SOX5: variants seen among roughly 807,000 people sequenced by gnomAD.
The protein encoded by SOX5 is transcription factor SOX-5.
Under a neutral mutation model 92.0 loss-of-function variants are expected in SOX5, and 9 were observed. That is an observed-to-expected ratio of 0.10 (90% CI 0.06 to 0.17). The LOEUF (loss-of-function observed/expected upper bound fraction) is 0.17. Among genes scored for constraint, SOX5 ranks in the 10% least tolerant of loss-of-function variants. The pLI is 1.00. For synonymous variants in SOX5, 344 were observed against 336.3 expected (o/e 1.02, Z -0.25); for missense variants, 642 against 944.5 (o/e 0.68, Z 4.20).
chr12:24,222,335 A>C (rs372912007), intron 3 of SOX5, among the ~76,000 whole-genome samples: 1 of 152,066 alleles, frequency 6.6e-6, no homozygotes, highest in Non-Finnish European at 1.5e-5. Context: ...ATTCCAGGCA[A>C]TGGTTTATTT....
chr12:23,786,315 T>G (rs1386859652), intron 3 of SOX5, among the ~76,000 whole-genome samples: 2 of 151,986 alleles, frequency 1.3e-5, no homozygotes, highest in Non-Finnish European at 2.9e-5. Context: ...CTATTGTATG[T>G]AGCTATTTAA....
intron 4 of SOX5, among the ~76,000 whole-genome samples, chr12:24,150,897 T>G (rs999008039): frequency 4.6e-5 from 7 of 152,172 alleles, no homozygotes; most frequent in Admixed American, 3.9e-4. Flanking sequence ...AAAAAAAGTT[T>G]TCATTGATCA....
intron 2 of SOX5, among the ~76,000 whole-genome samples, chr12:24,282,484 G>A (rs758524277): frequency 6.7e-6 from 1 of 148,774 alleles, no homozygotes; most frequent in Non-Finnish European, 1.5e-5. Flanking sequence ...AACAATGCGA[G>A]AATAATGTCA....
At chr12:23,893,282 T>C (rs1462863296) in intron 2 of SOX5, among the ~76,000 whole-genome samples, 2 of 151,886 alleles carry the variant, frequency 1.3e-5, no homozygotes, top group African/African-American at 4.8e-5. Flanking sequence ...CCTGTCTCTA[T>C]TAAAAATATA....
chr12:24,175,968 A>G (rs1954762832), intron 4 of SOX5, among the ~76,000 whole-genome samples: 1 of 150,076 alleles, frequency 6.7e-6, no homozygotes, highest in Non-Finnish European at 1.5e-5. Flanking sequence ...TCTCTTCTCA[A>G]GGCAAGGCCC....
At chr12:24,153,016 T>C (rs1951815655) in intron 4 of SOX5, among the ~76,000 whole-genome samples, 1 of 152,110 alleles carries the variant, frequency 6.6e-6, no homozygotes, top group South Asian at 2.1e-4. Flanking sequence ...TCACGCCCTA[T>C]GTGGAGCAGA....
intron 2 of SOX5, among the ~76,000 whole-genome samples, chr12:24,347,696 G>C (rs1595809379): frequency 6.6e-6 from 1 of 152,272 alleles, no homozygotes; most frequent in East Asian, 1.9e-4. Flanking sequence ...AATGATGACA[G>C]CTGCCACTTT....
chr12:24,463,182 G>T (rs1943836103), intron 1 of SOX5, among the ~76,000 whole-genome samples: 1 of 151,918 alleles, frequency 6.6e-6, no homozygotes, highest in African/African-American at 2.4e-5. Context: ...ACTCCAGCCT[G>T]GGTGACATAG....
intron 2 of SOX5, among the ~76,000 whole-genome samples, chr12:24,321,570 A>G (rs1454809194): frequency 2.0e-5 from 3 of 152,220 alleles, no homozygotes; most frequent in Non-Finnish European, 2.9e-5. Context: ...CATGAATATC[A>G]CATACTCATT....
chr12:23,610,624 C>T lies in SOX5; in HGVS notation c.1018-6091G>A, dbSNP rs960831202. Among the ~76,000 whole-genome samples the T allele has an allele frequency of 7.2e-5, 11 of 151,888 alleles. No individual in the cohort carries two copies. The East Asian group carries it at 2.1e-3, about 29-fold the overall frequency. Reference sequence around the variant, plus strand: ...TATACATAAAACAAATTTTTAAAATCCAAAATGAATTTGGCATGCTTGTAC... The same window carrying T: ...TATACATAAAACAAATTTTTAAAATTCAAAATGAATTTGGCATGCTTGTAC... On this transcript the variant is annotated intron_variant, in intron 8 of 14. Transcript: ENST00000451604.
At chr12:24,458,303 T>C (rs1041205067) in intron 1 of SOX5, among the ~76,000 whole-genome samples, 1 of 152,218 alleles carries the variant, frequency 6.6e-6, no homozygotes, top group Admixed American at 6.5e-5. Flanking sequence ...TTTACTTATA[T>C]ATTTGGTTCA....
chr12:23,782,569 T>C (rs745741670), intron 3 of SOX5, among the ~76,000 whole-genome samples: 15 of 152,126 alleles, frequency 9.9e-5, no homozygotes, highest in African/African-American at 1.7e-4. Context: ...TTAATGAAAA[T>C]GATCAAAGAT....
At position 23,530,251 on chromosome 12, in the gene SOX5, A is replaced by C. The variant is rs557800942; in HGVS notation, c.*3968T>G. ...ATACAGTTGTTTATTACAATTCAAC[A>C]ATTTACCCATTAGAATGAGTGAAAG... On this transcript the variant is annotated 3_prime_UTR_variant, in exon 15 of 15. Coordinates refer to ENST00000451604, the MANE Select transcript of SOX5 (RefSeq NM_006940.6). 60 of 152,330 alleles carry C rather than the reference A, an allele frequency of 3.9e-4. No homozygotes were observed. The highest frequency in any genetic ancestry group is 1.4e-3 in the African/African-American group (59 of 41,578). The allele number at this position is 152,330 out of a possible 1,614,324, so 9.4% of individuals were successfully genotyped here.
At chr12:24,428,400 G>A (rs1966926394) in intron 1 of SOX5, among the ~76,000 whole-genome samples, 1 of 152,046 alleles carries the variant, frequency 6.6e-6, no homozygotes, top group African/African-American at 2.4e-5. Flanking sequence ...GACAGGACAG[G>A]AAAAGAGAAC....
intron 1 of SOX5, among the ~76,000 whole-genome samples, chr12:24,435,873 G>A (rs1939330821): frequency 6.6e-6 from 1 of 152,166 alleles, no homozygotes; most frequent in African/African-American, 2.4e-5. Flanking sequence ...CTGTGTCACA[G>A]TTTGGTAATT....
chr12:23,811,611 A>G (rs1228178660), intron 3 of SOX5, among the ~76,000 whole-genome samples: 1 of 152,148 alleles, frequency 6.6e-6, no homozygotes, highest in East Asian at 1.9e-4. Flanking sequence ...GAGAAAATAT[A>G]TGTACATAAA....
chr12:24,065,049 T>TA (rs1056546593), intron 4 of SOX5, among the ~76,000 whole-genome samples: 5 of 152,118 alleles, frequency 3.3e-5, no homozygotes, highest in Admixed American at 2.0e-4. Context: ...TTCAGTTGCA[T>TA]AAAAAGGCTT....
At chr12:23,741,152 C>CA in intron 4 of SOX5, 113 bp from the exon 5 acceptor site, 1 of 669,692 alleles carries the variant, frequency 1.5e-6, no homozygotes, top group Non-Finnish European at 2.2e-6. Flanking sequence ...TCAATAAACA[C>CA]AAAAGCATTA....
At chr12:23,759,190 A>T (rs1322332513) in intron 3 of SOX5, among the ~76,000 whole-genome samples, 3 of 152,016 alleles carry the variant, frequency 2.0e-5, no homozygotes, top group Non-Finnish European at 4.4e-5. Context: ...TATGAGCAGC[A>T]ACTGTGGAAT....
Sources: allele counts gnomAD v4.1 joint callset (sites outside exome capture counted in the v4.1 genomes callset), GRCh38; gene constraint gnomAD v4.1.1; transcripts MANE v1.5; gene names NCBI Gene and HGNC (gene_info 2026-07-23, HGNC 2026-07-21).